The following MYH15 variants were observed in gnomAD, a reference collection of about 807,000 sequenced individuals.
The protein encoded by MYH15 is myosin-15.
Under a neutral mutation model 240.5 loss-of-function variants are expected in MYH15, and 227 were observed. That is an observed-to-expected ratio of 0.94 (90% confidence interval 0.85 to 1.05). MYH15 has a LOEUF of 1.05. MYH15 is among the 50% of genes least tolerant of loss of function. MYH15 has a pLI of 0.00. For synonymous variants in MYH15, 785 were observed against 796.7 expected (o/e 0.99, Z 0.25); for missense variants, 2,217 against 2,247.5 (o/e 0.99, Z 0.27).
At chr3:108,404,330 A>C (rs2082530414) in intron 33 of MYH15, among the ~76,000 whole-genome samples, 1 of 152,092 alleles carries the variant, frequency 6.6e-6, no homozygotes, top group East Asian at 1.9e-4. Flanking sequence ...TCTTTTTCTT[A>C]AAAAAAGACT....
At chr3:108,399,392 T>A in intron 33 of MYH15, 125 bp from the exon 34 acceptor site, 1 of 805,044 alleles carries the variant, frequency 1.2e-6, no homozygotes, top group Non-Finnish European at 1.9e-6. Context: ...TTTAAGTAAC[T>A]AACAAAATGA....
chr3:108,455,351 T>C (rs138207293), intron 20 of MYH15, among the ~76,000 whole-genome samples: 10 of 152,328 alleles, frequency 6.6e-5, no homozygotes, highest in Admixed American at 3.3e-4. Context: ...CCTAAGAGAA[T>C]ACTGTCCCTG....
chr3:108,484,261 A>G (rs2083289197), intron 11 of MYH15, among the ~76,000 whole-genome samples: 1 of 152,148 alleles, frequency 6.6e-6, no homozygotes, highest in South Asian at 2.1e-4. Flanking sequence ...ATCATTCTAG[A>G]CAGATCATTC....
At chr3:108,426,195 A>G (rs2082723383) in intron 27 of MYH15, among the ~76,000 whole-genome samples, 1 of 149,902 alleles carries the variant, frequency 6.7e-6, no homozygotes, top group Non-Finnish European at 1.5e-5. Context: ...AGAATAAAAA[A>G]GTATTTTCAG....
intron 12 of MYH15, among the ~76,000 whole-genome samples, chr3:108,475,805 C>A (rs1168238907): frequency 6.6e-6 from 1 of 152,154 alleles, no homozygotes; most frequent in Non-Finnish European, 1.5e-5. Flanking sequence ...GGTCTCATTA[C>A]CCAGTGGCCC....
chr3:108,416,942 T>C lies in MYH15; in HGVS notation c.3830-12A>G. The C allele has an allele frequency of 6.3e-7, 1 of 1,587,082 alleles. No homozygotes were observed. The highest frequency in any genetic ancestry group is 8.6e-7 in the Non-Finnish European group (1 of 1,156,460). ...CCGTAGGAACTCGCCTACAGAAAGA[T>C]TTCACAAAACTACATAATTACAGTC... On this transcript the variant is annotated splice_polypyrimidine_tract_variant and intron_variant, in intron 28 of 40. Transcript: ENST00000693548.
chr3:108,425,100 C>T (rs1290381574), intron 27 of MYH15, among the ~76,000 whole-genome samples: 5 of 152,184 alleles, frequency 3.3e-5, no homozygotes, highest in African/African-American at 1.2e-4. Flanking sequence ...GCTACAGGAA[C>T]TCAAAAACAG....
chr3:108,469,978 C>T, intron 14 of MYH15, 64 bp downstream of exon 14: 1 of 1,492,726 alleles, frequency 6.7e-7, no homozygotes, highest in East Asian at 2.4e-5. Flanking sequence ...TGACATGGAT[C>T]AACATAGCAG....
intron 20 of MYH15, 41 bp downstream of exon 20, chr3:108,455,695 C>A (rs898982639): frequency 1.2e-6 from 2 of 1,603,562 alleles, no homozygotes; most frequent in Admixed American, 1.7e-5. Context: ...AGTCTTCCCC[C>A]CATTCGTCTC....
chr3:108,436,791 A>T (rs775389291), intron 25 of MYH15, among the ~76,000 whole-genome samples: 5 of 152,162 alleles, frequency 3.3e-5, no homozygotes, highest in Non-Finnish European at 5.9e-5. Flanking sequence ...CCCACCTCGG[A>T]AACCTGACCC....
chr3:108,421,269 G>T (rs2082681823), intron 27 of MYH15, 55 bp from the exon 28 acceptor site: 5 of 1,583,962 alleles, frequency 3.2e-6, no homozygotes, highest in Non-Finnish European at 4.3e-6. Flanking sequence ...CTCTGAATCA[G>T]CTGCACAAAG....
At chr3:108,401,919 G>A (rs2082508750) in intron 33 of MYH15, among the ~76,000 whole-genome samples, 1 of 152,084 alleles carries the variant, frequency 6.6e-6, no homozygotes, top group African/African-American at 2.4e-5. Flanking sequence ...TCAGGACCAA[G>A]GGCAATATAG....
At chr3:108,523,171 T>G (rs1012329035) in intron 1 of MYH15, among the ~76,000 whole-genome samples, 103 of 152,228 alleles carry the variant, frequency 6.8e-4, no homozygotes, top group African/African-American at 2.4e-3. Context: ...ACAGTATATT[T>G]AAGATTATAT....
intron 1 of MYH15, among the ~76,000 whole-genome samples, chr3:108,516,909 T>C (rs1280101336): frequency 6.6e-6 from 1 of 152,154 alleles, no homozygotes; most frequent in Non-Finnish European, 1.5e-5. Context: ...GAGTTTACAC[T>C]CCTAGATTCT....
intron 27 of MYH15, 109 bp from the exon 28 acceptor site, chr3:108,421,323 G>T: frequency 8.0e-7 from 1 of 1,243,042 alleles, no homozygotes; most frequent in Non-Finnish European, 1.1e-6. Context: ...GCTCTCTTCT[G>T]TAGTAAAGAG....
upstream of MYH15, among the ~76,000 whole-genome samples, chr3:108,531,806 A>AAATG (rs2083712586): frequency 6.6e-6 from 1 of 151,368 alleles, no homozygotes; most frequent in African/African-American, 2.4e-5. Flanking sequence ...ATAAATAAAT[A>AAATG]CATAAATAAA....
At chr3:108,426,543 C>T (rs565457191) in intron 27 of MYH15, among the ~76,000 whole-genome samples, 11 of 152,322 alleles carry the variant, frequency 7.2e-5, no homozygotes, top group Admixed American at 2.0e-4. Flanking sequence ...TGCTGTAAAC[C>T]ATAGCAGCAT....
Position 108,501,710 on chromosome 3 carries a change from ACATAGAT to A in MYH15, c.334_339+1del, listed in dbSNP as rs767577934. The A allele has an allele frequency of 6.2e-7, 1 of 1,613,988 alleles. No individual in the cohort carries two copies. Among genetic ancestry groups the A allele is most frequent in the South Asian group, 1.1e-5 (1 of 91,068 alleles). On this transcript the variant is annotated splice_donor_variant and coding_sequence_variant, in exon 3 of 41. Coordinates refer to ENST00000693548, the MANE Select transcript of MYH15 (RefSeq NM_014981.3). LOFTEE classifies it high-confidence loss of function. Reference sequence around the variant, plus strand: ...AGTTTAGCAGGAAAGCATATTACACACATAGATCATCCACTGGCCATAGCGCCGCTTC... The same window carrying A: ...AGTTTAGCAGGAAAGCATATTACACACATCCACTGGCCATAGCGCCGCTTC...
upstream of MYH15, among the ~76,000 whole-genome samples, chr3:108,530,645 T>C (rs1576285451): frequency 6.6e-6 from 1 of 152,152 alleles, no homozygotes; most frequent in South Asian, 2.1e-4. Flanking sequence ...GGGATGTTGA[T>C]AATGGGTGAG....
Sources: gnomAD v4.1 joint callset for allele counts (sites outside exome capture counted in the v4.1 genomes callset) on GRCh38, gnomAD v4.1.1 for gene constraint, MANE v1.5 for transcripts, NCBI Gene and HGNC (gene_info 2026-07-23, HGNC 2026-07-21) for gene names.